MRTFB: variants seen among roughly 807,000 people sequenced by gnomAD.
MRTFB encodes myocardin-related transcription factor B.
MRTFB carries 29 observed loss-of-function variants against 104.2 expected under a neutral mutation model. The observed-to-expected ratio is 0.28, with a 90% CI of 0.21 to 0.38. The LOEUF (loss-of-function observed/expected upper bound fraction) is 0.38. Ranked by LOEUF, MRTFB falls within the 10% of genes least tolerant of loss-of-function variation. MRTFB has a pLI of 1.00. For missense variants in MRTFB, 1,270 were observed against 1,341.6 expected (o/e 0.95, Z 0.83); for synonymous variants, 535 against 519.5 (o/e 1.03, Z -0.41).
At chr16:14,112,771 C>G (rs1014042572) in intron 2 of MRTFB, among the ~76,000 whole-genome samples, 1 of 152,184 alleles carries the variant, frequency 6.6e-6, no homozygotes, top group Non-Finnish European at 1.5e-5. Context: ...CCATCCAACA[C>G]TGTTCTCCAG....
chr16:14,255,075 T>A (rs1465636943), intron 15 of MRTFB, among the ~76,000 whole-genome samples: 1 of 152,098 alleles, frequency 6.6e-6, no homozygotes, highest in Non-Finnish European at 1.5e-5. Context: ...GGGGAAAAAA[T>A]GTCATGAACC....
rs532182045 is a variant in MRTFB, at chr16:14,261,445, C to T, written c.*1C>T. The T allele has an allele frequency of 1.9e-5, 30 of 1,579,200 alleles. No individual in the cohort carries two copies. Among genetic ancestry groups the T allele is most frequent in the African/African-American group, 6.8e-5 (5 of 73,956 alleles). On this transcript the variant is annotated 3_prime_UTR_variant, in exon 17 of 17. Coordinates refer to ENST00000571589, the MANE Select transcript of MRTFB (RefSeq NM_001308142.2). ...GGACCTACCGCTGCCATGGGACTAA[C>T]GTCACAGATTTCTTTTCTGAGAGTT... is the stretch of plus-strand genomic sequence containing the variant.
intron 3 of MRTFB, chr16:14,200,683 G>A: frequency 6.5e-7 from 1 of 1,546,862 alleles, no homozygotes. Context: ...AATCTAGAAA[G>A]GAGTCCTCTC....
the MRTFB span, among the ~76,000 whole-genome samples, chr16:14,014,562 G>GA: frequency 4.1e-5 from 6 of 144,816 alleles, no homozygotes; most frequent in South Asian, 2.2e-4. Context: ...GTCTCAAAAA[G>GA]AAAAAAAAAA....
chr16:14,228,561 G>C (rs1371992672), intron 8 of MRTFB, among the ~76,000 whole-genome samples: 1 of 150,062 alleles, frequency 6.7e-6, no homozygotes, highest in African/African-American at 2.5e-5. Context: ...GGGCAACAGA[G>C]CTAGACTCCG....
intron 3 of MRTFB, among the ~76,000 whole-genome samples, chr16:14,162,453 T>C (rs2039078290): frequency 6.6e-6 from 1 of 152,224 alleles, no homozygotes; most frequent in South Asian, 2.1e-4. Context: ...GCAGCACTAT[T>C]TGTTGTAGAG....
chr16:13,995,460 T>C, the MRTFB span, among the ~76,000 whole-genome samples: 1 of 152,254 alleles, frequency 6.6e-6, no homozygotes, highest in Non-Finnish European at 1.5e-5. Context: ...CTTGCTGGTC[T>C]GATGGTTTAG....
At chr16:14,119,954 A>G (rs541981091) in intron 2 of MRTFB, among the ~76,000 whole-genome samples, 1 of 152,304 alleles carries the variant, frequency 6.6e-6, no homozygotes, top group South Asian at 2.1e-4. Context: ...TCCTGACAGC[A>G]CTGTCTCAGA....
chr16:14,129,336 G>A (rs892660414), intron 2 of MRTFB, among the ~76,000 whole-genome samples: 14 of 152,086 alleles, frequency 9.2e-5, no homozygotes, highest in Non-Finnish European at 7.3e-5. Context: ...ATTTAGAGTT[G>A]TACAGTCATC....
intron 3 of MRTFB, among the ~76,000 whole-genome samples, chr16:14,182,271 G>A (rs888371434): frequency 1.3e-5 from 2 of 152,144 alleles, no homozygotes; most frequent in Non-Finnish European, 2.9e-5. Context: ...AGTGTAGAGT[G>A]AAGAGGCTTC....
chr16:14,248,043 G>C (rs1332904337), intron 12 of MRTFB: 2 of 153,238 alleles, frequency 1.3e-5, no homozygotes, highest in Non-Finnish European at 2.9e-5. Flanking sequence ...CCCACATTTA[G>C]TTCTTGAAAG....
chr16:14,065,440 A>G, the MRTFB span, among the ~76,000 whole-genome samples: 3 of 152,108 alleles, frequency 2.0e-5, no homozygotes, highest in African/African-American at 7.2e-5. Flanking sequence ...TCCTATTTGG[A>G]TGCTTTTAAT....
At chr16:14,067,831 T>C (rs887924199), upstream of MRTFB, among the ~76,000 whole-genome samples, 23 of 152,232 alleles carry the variant, frequency 1.5e-4, no homozygotes, top group African/African-American at 5.5e-4. Context: ...TAAAAACTAA[T>C]TTTATTTTTA....
rs79057235 is a variant in MRTFB at position 14,258,340 on chromosome 16, C to T, written c.2764+179C>T. On this transcript the variant is annotated intron_variant, in intron 16 of 16. Transcript: ENST00000571589. ...CATTAAAAGAACTTATGGCCAGGTG[C>T]GGTGGCTCACGTCTATGATCCCAGC... Among the ~76,000 whole-genome samples the T allele has an allele frequency of 7.9e-5, 12 of 152,228 alleles. No homozygotes were observed. The East Asian group carries it at 2.3e-3, about 29-fold the overall frequency.
chr16:14,042,756 G>C, the MRTFB span, among the ~76,000 whole-genome samples: 4 of 152,130 alleles, frequency 2.6e-5, no homozygotes, highest in African/African-American at 7.2e-5. Context: ...TTCAAACAAG[G>C]GGGGAATCTA....
chr16:14,220,193 C>G (rs2041623193), intron 8 of MRTFB, among the ~76,000 whole-genome samples: 1 of 152,196 alleles, frequency 6.6e-6, no homozygotes, highest in African/African-American at 2.4e-5. Flanking sequence ...GCAAGGGAGA[C>G]TAAACCCTAC....
In MRTFB at chr16:14,201,113, A is replaced by G. The variant is rs2040682097; in HGVS notation, c.155-9130A>G. ...TCCACTTAAAAACTTTATTTATAAA[A>G]AGGAAAAATAGTTTTCGTATTAAGT... On this transcript the variant is annotated intron_variant, in intron 3 of 16. Coordinates refer to ENST00000571589, the MANE Select transcript of MRTFB (RefSeq NM_001308142.2). 7 of 1,318,242 alleles carry G rather than the reference A, an allele frequency of 5.3e-6. No homozygotes were observed. In the South Asian group the frequency reaches 9.5e-5, roughly 18 times the overall value. The allele number at this position is 1,318,242 out of a possible 1,614,324, so 81.7% of individuals were successfully genotyped here.
intron 6 of MRTFB, chr16:14,215,005 CA>C (rs2041355056): frequency 6.6e-6 from 1 of 152,138 alleles, no homozygotes; most frequent in Non-Finnish European, 1.5e-5. Context: ...AGTGAATCTT[CA>C]AAGAAGCAAG....
chr16:14,084,952 A>G (rs756117222), intron 2 of MRTFB, among the ~76,000 whole-genome samples: 3 of 152,230 alleles, frequency 2.0e-5, no homozygotes, highest in Non-Finnish European at 4.4e-5. Context: ...AGCGTAGGCA[A>G]TATAGTGAGA....
Sources: gnomAD v4.1 joint callset for allele counts (sites outside exome capture counted in the v4.1 genomes callset) on GRCh38, gnomAD v4.1.1 for gene constraint, MANE v1.5 for transcripts, NCBI Gene and HGNC (gene_info 2026-07-23, HGNC 2026-07-21) for gene names.